Variants in OSBPL6 observed in about 807,000 individuals in gnomAD.
OSBPL6 encodes the protein oxysterol-binding protein-related protein 6.
In OSBPL6, 49 loss-of-function variants were observed where a neutral mutation model predicts 125.8. The observed-to-expected ratio is 0.39, with a 90% CI of 0.31 to 0.49. The LOEUF (loss-of-function observed/expected upper bound fraction) is 0.49, where lower values mean the gene tolerates loss of function less well. Among genes scored for constraint, OSBPL6 ranks in the 20% least tolerant of loss-of-function variants. The probability of loss-of-function intolerance (pLI) is 0.88; values close to 1 mark genes in which losing one functional copy is unlikely to be tolerated. For synonymous variants in OSBPL6, 394 were observed against 391.8 expected (o/e 1.01, Z -0.07); for missense variants, 986 against 1,135.4 (o/e 0.87, Z 1.89).
chr2:178,393,033 A>T (rs1695554103), intron 23 of OSBPL6, among the ~76,000 whole-genome samples: 1 of 152,180 alleles, frequency 6.6e-6, no homozygotes, highest in East Asian at 1.9e-4. Context: ...ATCATAACAG[A>T]TTATCTCAGC....
chr2:178,204,950 A>G (rs142573248), intron 1 of OSBPL6, among the ~76,000 whole-genome samples: 2 of 152,248 alleles, frequency 1.3e-5, no homozygotes, highest in East Asian at 3.9e-4. Context: ...TCTCATCCTT[A>G]CAATAGGCCT....
intron 13 of OSBPL6, among the ~76,000 whole-genome samples, chr2:178,367,877 T>TA (rs748068568): frequency 1.5e-4 from 23 of 152,214 alleles, no homozygotes; most frequent in Admixed American, 1.3e-4. Flanking sequence ...TCCTCCCTGT[T>TA]AGGCCTTTGG....
intron 18 of OSBPL6, 134 bp downstream of exon 18, chr2:178,384,310 C>A: frequency 1.7e-6 from 2 of 1,205,196 alleles, no homozygotes. Context: ...TGAGACAGGT[C>A]TTAATCAGTT....
intron 24 of OSBPL6, among the ~76,000 whole-genome samples, chr2:178,395,195 C>A (rs1231932565): frequency 6.6e-6 from 1 of 152,120 alleles, no homozygotes; most frequent in Non-Finnish European, 1.5e-5. Flanking sequence ...TTACTTTTTA[C>A]CCCTGCCAGG....
chr2:178,315,874 A>T (rs4893850), intron 3 of OSBPL6, among the ~76,000 whole-genome samples: 20,962 of 152,172 alleles, frequency 0.14, 1,678 homozygotes, highest in Admixed American at 0.22. Flanking sequence ...GGAAATGATC[A>T]CTTTACAGAG....
intron 15 of OSBPL6, among the ~76,000 whole-genome samples, chr2:178,375,201 C>T (rs1693748597): frequency 6.6e-6 from 1 of 152,134 alleles, no homozygotes; most frequent in South Asian, 2.1e-4. Flanking sequence ...CATGAGTAAA[C>T]TTAAGGCTAC....
chr2:178,264,157 C>T (rs556710052), intron 1 of OSBPL6, among the ~76,000 whole-genome samples: 3 of 151,648 alleles, frequency 2.0e-5, no homozygotes, highest in South Asian at 2.1e-4. Flanking sequence ...GAAAATTAAC[C>T]AGGAAAAAGT....
chr2:178,314,012 TTGTTGAACAAACAGGCTAATAAAA>T (rs1687522741), intron 3 of OSBPL6, among the ~76,000 whole-genome samples: 1 of 152,220 alleles, frequency 6.6e-6, no homozygotes, highest in South Asian at 2.1e-4. Flanking sequence ...ACAAGTTTTC[TTGTTGAACAAACAGGCTAATAAAA>T]AGATCCCCCA....
chr2:178,394,262 T>A (rs543695321), intron 23 of OSBPL6, 51 bp from the exon 24 acceptor site: 1 of 1,586,812 alleles, frequency 6.3e-7, no homozygotes, highest in Non-Finnish European at 8.5e-7. Context: ...AGGTTTTTTT[T>A]CCCCCAGAAA....
At chr2:178,243,853 A>G (rs879748594) in intron 1 of OSBPL6, among the ~76,000 whole-genome samples, 1 of 151,708 alleles carries the variant, frequency 6.6e-6, no homozygotes, top group African/African-American at 2.4e-5. Flanking sequence ...GGGTTTCACT[A>G]TGTTGGCCAG....
At chr2:178,307,805 C>T (rs1686911110) in intron 3 of OSBPL6, among the ~76,000 whole-genome samples, 1 of 152,100 alleles carries the variant, frequency 6.6e-6, no homozygotes, top group Non-Finnish European at 1.5e-5. Context: ...ACCCGGCTCA[C>T]CCTGGAGAAT....
chr2:178,346,280 T>G (rs953726228), intron 11 of OSBPL6, among the ~76,000 whole-genome samples: 6 of 152,162 alleles, frequency 3.9e-5, no homozygotes, highest in Admixed American at 3.9e-4. Context: ...GTCAGTACCC[T>G]CAAAGAATCC....
At chr2:178,385,133 T>C (rs1671048243) in intron 18 of OSBPL6, among the ~76,000 whole-genome samples, 1 of 151,998 alleles carries the variant, frequency 6.6e-6, no homozygotes, top group Non-Finnish European at 1.5e-5. Flanking sequence ...ATACCTAATG[T>C]AGGTGATGGG....
chr2:178,256,926 A>G (rs2091904471), intron 1 of OSBPL6, among the ~76,000 whole-genome samples: 1 of 152,178 alleles, frequency 6.6e-6, no homozygotes, highest in African/African-American at 2.4e-5. Flanking sequence ...CTGTCTCTCA[A>G]TATGACTTGT....
chr2:178,273,395 C>A (rs1413837985), intron 1 of OSBPL6, among the ~76,000 whole-genome samples: 2 of 152,066 alleles, frequency 1.3e-5, no homozygotes, highest in Non-Finnish European at 2.9e-5. Context: ...TTGAGACCAG[C>A]CTGGACAGCA....
chr2:178,384,953 C>A (rs2154115282), intron 18 of OSBPL6, among the ~76,000 whole-genome samples: 1 of 151,876 alleles, frequency 6.6e-6, no homozygotes, highest in Non-Finnish European at 1.5e-5. Flanking sequence ...GATTTATTTT[C>A]TTTTCACACA....
intron 15 of OSBPL6, among the ~76,000 whole-genome samples, chr2:178,374,234 A>G (rs1234204696): frequency 6.6e-6 from 1 of 152,234 alleles, no homozygotes; most frequent in Admixed American, 6.5e-5. Context: ...CTGAGCATCA[A>G]GAATTTAAAT....
intron 1 of OSBPL6, among the ~76,000 whole-genome samples, chr2:178,275,930 G>T (rs905082662): frequency 1.3e-5 from 2 of 152,178 alleles, no homozygotes; most frequent in Non-Finnish European, 2.9e-5. Flanking sequence ...GAGGCACAGA[G>T]AAGTAAAATA....
At chr2:178,298,222 A>T (rs904145308) in intron 2 of OSBPL6, among the ~76,000 whole-genome samples, 1 of 152,140 alleles carries the variant, frequency 6.6e-6, no homozygotes, top group Non-Finnish European at 1.5e-5. Flanking sequence ...CTTCCTTTTT[A>T]AGGCTGAATA....
Sources: gnomAD v4.1 joint callset for allele counts (sites outside exome capture counted in the v4.1 genomes callset) on GRCh38, gnomAD v4.1.1 for gene constraint, MANE v1.5 for transcripts, NCBI Gene and HGNC (gene_info 2026-07-23, HGNC 2026-07-21) for gene names.